Variants in CDH13 observed in about 807,000 individuals in gnomAD.
The protein encoded by CDH13 is cadherin 13, also known as cadherin-13.
CDH13 carries 24 observed loss-of-function variants against 63.8 expected under a neutral mutation model. The ratio of observed to expected loss-of-function variants is 0.38; its 90% CI spans 0.27 to 0.53. CDH13 has a LOEUF of 0.53. Ranked by LOEUF, CDH13 falls within the 20% of genes least tolerant of loss-of-function variation. The probability of loss-of-function intolerance (pLI) is 0.85; values close to 1 mark genes in which losing one functional copy is unlikely to be tolerated. For missense variants in CDH13, 1,049 were observed against 903.1 expected, an observed-to-expected ratio of 1.16 and a Z score of -2.07; for synonymous variants, 503 against 355.3, an observed-to-expected ratio of 1.42 and a Z score of -4.67.
At chr16:83,761,847 A>C (rs1305091131) in intron 11 of CDH13, among the ~76,000 whole-genome samples, 1 of 152,186 alleles carries the variant, frequency 6.6e-6, no homozygotes, top group Non-Finnish European at 1.5e-5. Flanking sequence ...CAGGTGGGTC[A>C]CTTAAGGTCA....
chr16:82,815,653 C>A (rs1370390671), intron 1 of CDH13, among the ~76,000 whole-genome samples: 1 of 151,826 alleles, frequency 6.6e-6, no homozygotes, highest in African/African-American at 2.4e-5. Flanking sequence ...TTTGTAGTTT[C>A]TTTTCTTTTC....
At chr16:83,678,613 T>G (rs926594059) in intron 10 of CDH13, among the ~76,000 whole-genome samples, 152 bp downstream of exon 10, 1 of 151,900 alleles carries the variant, frequency 6.6e-6, no homozygotes, top group African/African-American at 2.4e-5. Context: ...AGAGAGGAGG[T>G]TGTGGCTGAC....
intron 4 of CDH13, among the ~76,000 whole-genome samples, chr16:83,201,303 G>C (rs1347247604): frequency 6.6e-6 from 1 of 152,148 alleles, no homozygotes; most frequent in African/African-American, 2.4e-5. Flanking sequence ...ATGGTAAATA[G>C]AGACAACAGA....
chr16:83,293,116 G>A (rs189535695), intron 5 of CDH13, among the ~76,000 whole-genome samples: 1 of 152,050 alleles, frequency 6.6e-6, no homozygotes, highest in East Asian at 1.9e-4. Context: ...ATTTTGAATT[G>A]CTCTTTCTAA....
chr16:82,966,424 G>A (rs1302733665), intron 2 of CDH13, among the ~76,000 whole-genome samples: 3 of 152,230 alleles, frequency 2.0e-5, no homozygotes, highest in South Asian at 4.1e-4. Flanking sequence ...TGGGATTACA[G>A]GCGTGAGCCA....
intron 6 of CDH13, among the ~76,000 whole-genome samples, chr16:83,422,607 A>C (rs1180772120): frequency 6.6e-6 from 1 of 152,164 alleles, no homozygotes; most frequent in Non-Finnish European, 1.5e-5. Context: ...GAGGTCTGTT[A>C]ATTCCTTCTA....
chr16:83,153,090 A>T (rs758802145), intron 4 of CDH13, among the ~76,000 whole-genome samples: 2 of 152,232 alleles, frequency 1.3e-5, no homozygotes, highest in Admixed American at 1.3e-4. Flanking sequence ...AAAGTAATTC[A>T]TGCAGAGCCA....
intron 8 of CDH13, among the ~76,000 whole-genome samples, chr16:83,663,848 C>T (rs546759501): frequency 1.3e-5 from 2 of 152,194 alleles, no homozygotes; most frequent in Admixed American, 1.3e-4. Flanking sequence ...AAATCATTTA[C>T]AGAATTTTAA....
intron 6 of CDH13, among the ~76,000 whole-genome samples, chr16:83,437,951 C>A (rs1246175395): frequency 6.6e-6 from 1 of 152,128 alleles, no homozygotes; most frequent in Non-Finnish European, 1.5e-5. Flanking sequence ...CTTCCATCTG[C>A]TTCCCTCCAT....
chr16:83,391,252 A>G (rs1211449552), intron 6 of CDH13, among the ~76,000 whole-genome samples: 1 of 150,452 alleles, frequency 6.6e-6, no homozygotes, highest in African/African-American at 2.5e-5. Flanking sequence ...GTCGCCCAGG[A>G]TGGACTGCAA....
intron 1 of CDH13, among the ~76,000 whole-genome samples, chr16:82,633,327 C>G (rs1252246392): frequency 2.0e-5 from 3 of 152,224 alleles, no homozygotes; most frequent in African/African-American, 7.2e-5. Flanking sequence ...GAACACTGCT[C>G]TAATATTCAG....
Position 83,579,369 on chromosome 16 carries a change from C to T in CDH13, c.961-23085C>T, listed in dbSNP as rs544493623. On this transcript the variant is annotated intron_variant, in intron 7 of 13. Transcript: ENST00000567109. ...AAGAGGTTTAATTGGCTCACAGTTC[C>T]ACAGGCTGTACGGGAAGCATGGCTA... Among the ~76,000 whole-genome samples the T allele has an allele frequency of 2.0e-4, 31 of 152,256 alleles. 1 individual carries two copies. In the South Asian group the frequency reaches 6.2e-3, roughly 31 times the overall value.
intron 4 of CDH13, among the ~76,000 whole-genome samples, chr16:83,164,744 G>A (rs893692479): frequency 3.5e-5 from 5 of 143,426 alleles, no homozygotes; most frequent in Admixed American, 6.8e-5. Context: ...AAAAATCATC[G>A]TTTTACTGAT....
At chr16:83,779,105 A>C (rs1209081256) in intron 11 of CDH13, among the ~76,000 whole-genome samples, 1 of 152,156 alleles carries the variant, frequency 6.6e-6, no homozygotes, top group Admixed American at 6.5e-5. Context: ...AGCCTAAAGA[A>C]CTTCAATCAG....
intron 5 of CDH13, among the ~76,000 whole-genome samples, chr16:83,266,041 A>G (rs1042320308): frequency 4.0e-4 from 61 of 152,034 alleles, no homozygotes; most frequent in African/African-American, 1.4e-3. Flanking sequence ...GCTTCAAGCG[A>G]TTCTCCTGCC....
chr16:82,922,957 T>C lies in CDH13; in HGVS notation c.157+64484T>C, dbSNP rs536307227. On this transcript the variant is annotated intron_variant, in intron 2 of 13. Transcript: ENST00000567109. ...TAAAGCAAGTCACACATATTTTTTG[T>C]ATCCCAGTGAATATGAGTCATATTT... Among the ~76,000 whole-genome samples the C allele has an allele frequency of 1.2e-4, 18 of 152,300 alleles. No homozygotes were observed. The East Asian group carries it at 3.5e-3, about 29-fold the overall frequency.
chr16:82,974,382 A>G (rs1763996077), intron 2 of CDH13, among the ~76,000 whole-genome samples: 1 of 152,194 alleles, frequency 6.6e-6, no homozygotes, highest in South Asian at 2.1e-4. Flanking sequence ...CTGGTTCCCA[A>G]CACCCTGAAT....
intron 1 of CDH13, among the ~76,000 whole-genome samples, chr16:82,726,783 T>C (rs1237550575): frequency 1.3e-5 from 2 of 152,222 alleles, no homozygotes; most frequent in Non-Finnish European, 2.9e-5. Context: ...CTAGCTTTTA[T>C]TGTTTTCATT....
chr16:83,031,285 A>G (rs555018239), intron 2 of CDH13, among the ~76,000 whole-genome samples: 7 of 144,968 alleles, frequency 4.8e-5, no homozygotes, highest in African/African-American at 1.8e-4. Flanking sequence ...TATACACCAT[A>G]TACATGCGCA....
Sources: allele counts gnomAD v4.1 joint callset (sites outside exome capture counted in the v4.1 genomes callset), GRCh38; gene constraint gnomAD v4.1.1; transcripts MANE v1.5; gene names NCBI Gene and HGNC (gene_info 2026-07-23, HGNC 2026-07-21).